DFFB: variants seen among roughly 807,000 people sequenced by gnomAD.
DFFB encodes the protein DNA fragmentation factor subunit beta.
In DFFB, 29 loss-of-function variants were observed where a neutral mutation model predicts 32.7. The observed-to-expected ratio is 0.89, with a 90% CI of 0.66 to 1.21. The LOEUF (loss-of-function observed/expected upper bound fraction) is 1.21. DFFB is among the 50% of genes most tolerant of loss of function. The probability of loss-of-function intolerance (pLI) is 0.00; values close to 1 mark genes in which losing one functional copy is unlikely to be tolerated. For missense variants in DFFB, 398 were observed against 440.6 expected (o/e 0.90, Z 0.87); for synonymous variants, 170 against 177.1 (o/e 0.96, Z 0.32).
At chr1:3,872,929 G>A in intron 6 of DFFB, 1 of 1,217,014 alleles carries the variant, frequency 8.2e-7, no homozygotes, top group Admixed American at 3.2e-5. Flanking sequence ...ACCTCTGTGA[G>A]TTTGAACCAG....
In DFFB at chr1:3,858,728, G is replaced by A. The variant is rs771700224; in HGVS notation, c.125G>A (p.Arg42His). The change falls in exon 2 of 7, where the codon CGC becomes CAC. Residue 42 changes from arginine to histidine, a missense_variant. Arg to His is a conservative substitution (Grantham distance 29, BLOSUM62 0). Transcript: ENST00000378209. ...KGCLRFQLPE[R>H]GSRLCLYEDG... ...CTCCCGTCCCTGCAGCTCCCTGAGCGCGGTTCCCGGCTGTGCCTGTACGAG... is the reference window on the plus strand; with the variant it reads ...CTCCCGTCCCTGCAGCTCCCTGAGCACGGTTCCCGGCTGTGCCTGTACGAG... 1.9e-6 allele frequency: 3 copies of A among 1,613,896 alleles called. No individual in the cohort carries two copies. The highest frequency in any genetic ancestry group is 2.5e-6 in the Non-Finnish European group (3 of 1,180,020).
intron 5 of DFFB, among the ~76,000 whole-genome samples, chr1:3,871,796 C>T (rs1430492201): frequency 6.6e-6 from 1 of 152,228 alleles, no homozygotes; most frequent in East Asian, 1.9e-4. Context: ...ATGGCGCTGG[C>T]ATCTGCTCAG....
At chr1:3,872,277 A>G (rs936721170) in intron 5 of DFFB, among the ~76,000 whole-genome samples, 195 bp from the exon 6 acceptor site, 2 of 152,028 alleles carry the variant, frequency 1.3e-5, no homozygotes, top group African/African-American at 2.4e-5. Flanking sequence ...GCCGGGCCTG[A>G]TGGCGGGCAC....
At chr1:3,876,010 T>G (rs1645214999) in intron 6 of DFFB, among the ~76,000 whole-genome samples, 1 of 152,176 alleles carries the variant, frequency 6.6e-6, no homozygotes, top group Admixed American at 6.5e-5. Context: ...AACTCTGACC[T>G]CAGGTGATCT....
rs775883169 is a variant in DFFB, at chr1:3,872,453, A to C, written c.682-19A>C. 3.8e-6 allele frequency: 6 copies of C among 1,594,818 alleles called. No individual in the cohort carries two copies. Among genetic ancestry groups the C allele is most frequent in the Non-Finnish European group, 5.2e-6 (6 of 1,164,656 alleles). ...GAGACTCACTTTCTGGCCTTCCCTC[A>C]TTGTCTTTTGGCCCCCAGGGTCCCT... On this transcript the variant is annotated intron_variant, in intron 5 of 6. Coordinates refer to ENST00000378209, the MANE Select transcript of DFFB (RefSeq NM_004402.4).
chr1:3,883,477 G>A (rs1207887023), intron 6 of DFFB, 30 bp from the exon 7 acceptor site: 1 of 1,606,196 alleles, frequency 6.2e-7, no homozygotes, highest in South Asian at 1.1e-5. Context: ...TGTGACCACA[G>A]AAAATGATGT....
chr1:3,871,779 A>G (rs1329620956), intron 5 of DFFB, among the ~76,000 whole-genome samples: 1 of 152,254 alleles, frequency 6.6e-6, no homozygotes, highest in Non-Finnish European at 1.5e-5. Flanking sequence ...CAGGCTGTAC[A>G]GGAAGCATGG....
At chr1:3,872,435 A>G in intron 5 of DFFB, 37 bp from the exon 6 acceptor site, 1 of 1,486,442 alleles carries the variant, frequency 6.7e-7, no homozygotes, top group Non-Finnish European at 9.2e-7. Flanking sequence ...AAAGAGACTC[A>G]CTTTCTGGCC....
intron 6 of DFFB, among the ~76,000 whole-genome samples, chr1:3,881,416 G>T (rs1645335076): frequency 6.6e-6 from 1 of 152,236 alleles, no homozygotes; most frequent in Non-Finnish European, 1.5e-5. Flanking sequence ...GGCTATGGCA[G>T]GGGTCTCGGT....
rs367946340 is a variant in DFFB at position 3,858,836 on chromosome 1, G to T, written c.233G>T (p.Trp78Leu). 9.3e-6 allele frequency: 15 copies of T among 1,613,786 alleles called. No homozygotes were observed. Among genetic ancestry groups the T allele is most frequent in the Non-Finnish European group, 1.0e-5 (12 of 1,180,018 alleles). ...ELVLLTLGQA[W>L]QGYVSDIRRF... ...GTGCTGCTCACCTTGGGCCAGGCCT[G>T]GCAGGGCTGTGAGTGGCAAGGACTT... The change falls in exon 2 of 7, where the codon TGG (tryptophan) becomes TTG (leucine). Residue 78 changes from tryptophan to leucine, a missense_variant. Transcript: ENST00000378209.
At chr1:3,868,272 T>G (rs1183912424) in intron 4 of DFFB, among the ~76,000 whole-genome samples, 1 of 152,076 alleles carries the variant, frequency 6.6e-6, no homozygotes, top group African/African-American at 2.4e-5. Context: ...CAGCTGCACT[T>G]GAGGTCACGG....
intron 6 of DFFB, among the ~76,000 whole-genome samples, chr1:3,874,330 GTGGC>G (rs1645180335): frequency 1.2e-5 from 1 of 86,802 alleles, no homozygotes. Context: ...CACATACGTG[GTGGC>G]CCACGCTGTG....
At chr1:3,870,718 C>T (rs1298071372) in intron 5 of DFFB, among the ~76,000 whole-genome samples, 1 of 152,120 alleles carries the variant, frequency 6.6e-6, no homozygotes, top group Admixed American at 6.5e-5. Context: ...GGAGCCAGGG[C>T]CAGTCAGAAG....
rs1411365342 is a variant in DFFB, at chr1:3,863,005, C to T, written c.242-2807C>T. On this transcript the variant is annotated intron_variant, in intron 2 of 6. Coordinates refer to ENST00000378209, the MANE Select transcript of DFFB (RefSeq NM_004402.4). ...CTCTACTAAAAATACAAAAATTAGC[C>T]GGGCGTGGTGGCAGGCGCCTGTAAT... Among the ~76,000 whole-genome samples, 9 of 152,164 alleles carry T rather than the reference C, an allele frequency of 5.9e-5. No individual in the cohort carries two copies. In the South Asian group the frequency reaches 6.2e-4, roughly 11 times the overall value.
intron 6 of DFFB, among the ~76,000 whole-genome samples, chr1:3,880,578 T>C (rs555301580): frequency 6.6e-6 from 1 of 152,292 alleles, no homozygotes; most frequent in African/African-American, 2.4e-5. Context: ...CCTCTCCTGC[T>C]GGTGGAGCCT....
intron 2 of DFFB, among the ~76,000 whole-genome samples, chr1:3,863,850 G>A (rs1644923690): frequency 6.6e-6 from 1 of 152,166 alleles, no homozygotes; most frequent in South Asian, 2.1e-4. Context: ...AGGGAGGTTG[G>A]TAGCTAAAGA....
rs759057692 is a variant in DFFB at position 3,883,621 on chromosome 1, A to G, written c.897A>G (p.Leu299=). ...FYGLLFTSEN[L]KLVHIVCHKK... ...GCCTGCTTTTTACCTCAGAGAACCT[A>G]AAACTAGTGCACATTGTCTGCCATA... Residue 299 remains leucine (L), a synonymous_variant, in exon 7 of 7, where the codon CTA becomes CTG. Coordinates refer to ENST00000378209, the MANE Select transcript of DFFB (RefSeq NM_004402.4). The G allele has an allele frequency of 6.2e-7, 1 of 1,614,140 alleles. No homozygotes were observed. The highest frequency in any genetic ancestry group is 1.7e-5 in the Admixed American group (1 of 60,008).
intron 2 of DFFB, among the ~76,000 whole-genome samples, chr1:3,860,901 TC>T (rs1644867453): frequency 6.6e-6 from 1 of 152,234 alleles, no homozygotes; most frequent in East Asian, 1.9e-4. Context: ...ACACCTGTAA[TC>T]CCAGCACTTT....
intron 3 of DFFB, chr1:3,867,719 A>G: frequency 1.6e-5 from 7 of 439,180 alleles, no homozygotes; most frequent in Admixed American, 7.4e-5. Flanking sequence ...CAGGTGTGGT[A>G]GTGCGTCCCT....
Sources: allele counts gnomAD v4.1 joint callset (sites outside exome capture counted in the v4.1 genomes callset), GRCh38; gene constraint gnomAD v4.1.1; transcripts MANE v1.5; gene names NCBI Gene and HGNC (gene_info 2026-07-23, HGNC 2026-07-21).